Variants in TBC1D22A observed in about 807,000 individuals in gnomAD.
The protein encoded by TBC1D22A is putative GTPase activator.
Under a neutral mutation model 60.2 loss-of-function variants are expected in TBC1D22A, and 38 were observed. That is an observed-to-expected ratio of 0.63 (90% CI 0.49 to 0.83). The LOEUF (loss-of-function observed/expected upper bound fraction) is 0.83. TBC1D22A is among the 40% of genes least tolerant of loss of function. The probability of loss-of-function intolerance (pLI) is 0.00; values close to 1 mark genes in which losing one functional copy is unlikely to be tolerated. For synonymous variants in TBC1D22A, 302 were observed against 281.7 expected, an observed-to-expected ratio of 1.07 and a Z score of -0.72; for missense variants, 628 against 701.0, an observed-to-expected ratio of 0.90 and a Z score of 1.18.
At chr22:46,932,650 G>C (rs530759291) in intron 8 of TBC1D22A, among the ~76,000 whole-genome samples, 1 of 150,726 alleles carries the variant, frequency 6.6e-6, no homozygotes, top group African/African-American at 2.4e-5. Flanking sequence ...CGGTGGAGAT[G>C]ACTCCTTCTC....
chr22:46,887,855 C>T (rs79089648), intron 5 of TBC1D22A, among the ~76,000 whole-genome samples: 1,910 of 152,156 alleles, frequency 0.013, 39 homozygotes, highest in African/African-American at 0.043. Context: ...GTGGTGTGAT[C>T]CTAATGTGTT....
intron 8 of TBC1D22A, among the ~76,000 whole-genome samples, chr22:46,921,221 C>T (rs527275768): frequency 9.4e-4 from 143 of 152,202 alleles, no homozygotes; most frequent in African/African-American, 3.3e-3. Flanking sequence ...GGTAGTTTCT[C>T]GATTCTGACC....
chr22:47,096,278 C>A (rs1311156302), intron 11 of TBC1D22A, among the ~76,000 whole-genome samples: 2 of 152,130 alleles, frequency 1.3e-5, no homozygotes, highest in African/African-American at 4.8e-5. Flanking sequence ...CTTTTTAGTT[C>A]TTGCCCATCT....
chr22:47,172,847 G>C (rs924707330), intron 12 of TBC1D22A, among the ~76,000 whole-genome samples: 6 of 152,228 alleles, frequency 3.9e-5, no homozygotes, highest in Non-Finnish European at 8.8e-5. Flanking sequence ...GGTCATGCAG[G>C]AGGGGCCAGT....
intron 4 of TBC1D22A, among the ~76,000 whole-genome samples, chr22:46,863,360 A>C (rs1264536123): frequency 1.3e-5 from 2 of 152,206 alleles, no homozygotes; most frequent in Admixed American, 6.5e-5. Context: ...TGCCAGTAGT[A>C]GATTCGGAAT....
chr22:47,115,015 G>A lies in TBC1D22A; in HGVS notation c.1425+3412G>A, dbSNP rs541677732. On this transcript the variant is annotated intron_variant, in intron 12 of 12. Coordinates refer to ENST00000337137, the MANE Select transcript of TBC1D22A (RefSeq NM_014346.5). The stretch of plus-strand genomic sequence containing the variant: ...CTCCAGGGCCTGCTGGGCAGGGCTC[G>A]GGGAGCAGGGAGTGGTGGGGCGGGG... Among the ~76,000 whole-genome samples the A allele has an allele frequency of 3.7e-3, 562 of 151,902 alleles. 3 individuals carry two copies. The highest frequency in any genetic ancestry group is 0.013 in the African/African-American group (531 of 41,368).
intron 12 of TBC1D22A, among the ~76,000 whole-genome samples, chr22:47,151,740 C>T (rs375821538): frequency 6.6e-6 from 1 of 152,220 alleles, no homozygotes; most frequent in Admixed American, 6.5e-5. Context: ...CCTGGAAGCC[C>T]TGCGTCTGCT....
intron 12 of TBC1D22A, among the ~76,000 whole-genome samples, chr22:47,159,086 T>C (rs910001687): frequency 3.4e-4 from 49 of 143,364 alleles, no homozygotes; most frequent in African/African-American, 1.2e-3. Context: ...ACACACACCA[T>C]GTATACACAC....
chr22:46,826,711 T>A (rs907965202), intron 4 of TBC1D22A, among the ~76,000 whole-genome samples: 1 of 152,108 alleles, frequency 6.6e-6, no homozygotes, highest in African/African-American at 2.4e-5. Context: ...AGTGCTATGG[T>A]CCTACAAAGT....
intron 4 of TBC1D22A, among the ~76,000 whole-genome samples, chr22:46,801,666 G>A (rs1437168701): frequency 1.3e-5 from 2 of 152,222 alleles, no homozygotes; most frequent in Non-Finnish European, 2.9e-5. Flanking sequence ...GGCCTGCCTC[G>A]CAGCAGTGGG....
intron 9 of TBC1D22A, among the ~76,000 whole-genome samples, chr22:46,975,193 T>G (rs1226661415): frequency 1.3e-5 from 2 of 151,968 alleles, no homozygotes; most frequent in African/African-American, 2.4e-5. Flanking sequence ...TCGCTTCCTG[T>G]GAGGTGCTGT....
intron 4 of TBC1D22A, among the ~76,000 whole-genome samples, chr22:46,845,157 G>C (rs1318863640): frequency 1.3e-5 from 2 of 152,226 alleles, no homozygotes; most frequent in African/African-American, 2.4e-5. Flanking sequence ...AGGAAAGAAC[G>C]TAACAGTGGG....
chr22:47,016,736 C>T (rs1193780941), intron 10 of TBC1D22A, among the ~76,000 whole-genome samples: 1 of 152,338 alleles, frequency 6.6e-6, no homozygotes, highest in Middle Eastern at 3.4e-3. Flanking sequence ...CACATTGCTG[C>T]GCTTCCAGTC....
At chr22:46,794,995 T>A (rs1488580388) in intron 3 of TBC1D22A, among the ~76,000 whole-genome samples, 1 of 152,242 alleles carries the variant, frequency 6.6e-6, no homozygotes, top group African/African-American at 2.4e-5. Flanking sequence ...GTCTAGTTTT[T>A]AAAACCACTT....
intron 11 of TBC1D22A, among the ~76,000 whole-genome samples, chr22:47,092,597 T>C (rs1940982389): frequency 6.6e-6 from 1 of 152,154 alleles, no homozygotes; most frequent in Non-Finnish European, 1.5e-5. Context: ...TGCAGACCTG[T>C]GAGCCTCAGC....
At chr22:46,960,155 C>T (rs1284887533) in intron 8 of TBC1D22A, among the ~76,000 whole-genome samples, 1 of 152,208 alleles carries the variant, frequency 6.6e-6, no homozygotes, top group Non-Finnish European at 1.5e-5. Flanking sequence ...GTGCTTCTTA[C>T]CTGCCTCCAA....
At chr22:47,017,484 G>A (rs1264058626) in intron 10 of TBC1D22A, among the ~76,000 whole-genome samples, 3 of 152,140 alleles carry the variant, frequency 2.0e-5, no homozygotes, top group Admixed American at 2.0e-4. Context: ...GGGGTTGGCG[G>A]CAGAATGCTG....
chr22:46,843,525 A>T (rs1341885336), intron 4 of TBC1D22A, among the ~76,000 whole-genome samples: 8 of 149,954 alleles, frequency 5.3e-5, no homozygotes, highest in African/African-American at 2.0e-4. Context: ...AAGAGCACAG[A>T]GTGTGGCCCC....
intron 10 of TBC1D22A, among the ~76,000 whole-genome samples, chr22:47,031,328 C>T (rs1052881899): frequency 2.6e-5 from 4 of 152,222 alleles, no homozygotes; most frequent in East Asian, 1.9e-4. Context: ...GCTGAGCCCC[C>T]GGCGGGCAGA....
Sources: gnomAD v4.1 joint callset for allele counts (sites outside exome capture counted in the v4.1 genomes callset) on GRCh38, gnomAD v4.1.1 for gene constraint, MANE v1.5 for transcripts, NCBI Gene and HGNC (gene_info 2026-07-23, HGNC 2026-07-21) for gene names.